CLSTN1: variants seen among roughly 807,000 people sequenced by gnomAD.
CLSTN1 encodes the protein calsyntenin 1.
Under a neutral mutation model 108.3 loss-of-function variants are expected in CLSTN1, and 28 were observed. That is an observed-to-expected ratio of 0.26 (90% CI 0.19 to 0.35). CLSTN1 has a LOEUF of 0.35. Ranked by LOEUF, CLSTN1 falls within the 10% of genes least tolerant of loss-of-function variation. The pLI is 1.00. For missense variants in CLSTN1, 1,157 were observed against 1,302.6 expected, an observed-to-expected ratio of 0.89 and a Z score of 1.72; for synonymous variants, 524 against 534.9, an observed-to-expected ratio of 0.98 and a Z score of 0.28.
chr1:9,743,727 T>G (rs1651097266), intron 9 of CLSTN1, among the ~76,000 whole-genome samples, 157 bp downstream of exon 9: 1 of 151,696 alleles, frequency 6.6e-6, no homozygotes, highest in African/African-American at 2.4e-5. Flanking sequence ...TTCGTGGGTT[T>G]TTTTTTTTTT....
At position 9,751,607 on chromosome 1, in the gene CLSTN1, G is replaced by A. The variant is rs186533239; in HGVS notation, c.515C>T (p.Thr172Met). The A allele has an allele frequency of 3.8e-5, 61 of 1,614,158 alleles. No homozygotes were observed. Among genetic ancestry groups the A allele is most frequent in the Admixed American group, 8.3e-5 (5 of 59,998 alleles). Residue 172 changes from threonine (T) to methionine (M), a missense_variant, in exon 5 of 19, where the codon ACG (threonine) becomes ATG (methionine). Physicochemically the swap from Thr to Met is moderately conservative, Grantham distance 81. Transcript: ENST00000377298. ...GTCGTACTGCTTCCCCTCGATGACC[G>A]TGGCTTTGTAGGACTTCTCCTTGAA... is the stretch of plus-strand genomic sequence containing the variant. The part of the protein sequence containing the change: ...PVFKEKSYKA[T>M]VIEGKQYDSI...
intron 4 of CLSTN1, among the ~76,000 whole-genome samples, chr1:9,752,371 A>G (rs1377064178): frequency 6.6e-6 from 1 of 152,216 alleles, no homozygotes; most frequent in Admixed American, 6.5e-5. Flanking sequence ...TGAATCAGTC[A>G]AGGACTTTGG....
intron 1 of CLSTN1, among the ~76,000 whole-genome samples, chr1:9,792,318 T>TA (rs1303020851): frequency 4.0e-5 from 6 of 151,494 alleles, no homozygotes; most frequent in African/African-American, 1.4e-4. Context: ...ACAACTCTCA[T>TA]ATGCCATGGC....
chr1:9,730,675 C>T lies in CLSTN1; in HGVS notation c.2779G>A (p.Glu927Lys), dbSNP rs1236274192. 4 of 1,609,426 alleles carry T rather than the reference C, an allele frequency of 2.5e-6. No homozygotes were observed. Among genetic ancestry groups the T allele is most frequent in the Admixed American group, 1.7e-5 (1 of 59,850 alleles). Residue 927 changes from glutamate to lysine, a missense_variant, in exon 19 of 19, where the codon GAG becomes AAG. Glu to Lys is a moderately conservative substitution (Grantham distance 56). Coordinates refer to ENST00000377298, the MANE Select transcript of CLSTN1 (RefSeq NM_001009566.3). This position sits in a 1 kb window ranked among gnomAD's most constrained non-coding sequence, Gnocchi z 5.6. ...TYEDQHSSEE[E>K]EEEEEEEESE... is the part of the protein sequence containing the mutation. ...TCCTCTTCCTCTTCCTCTTCCTCCT[C>T]CTCCTCACTGCTGTGCTGGTCCTCA... is the stretch of plus-strand genomic sequence containing the variant.
chr1:9,811,652 G>A (rs2101320903), intron 1 of CLSTN1, among the ~76,000 whole-genome samples: 2 of 151,498 alleles, frequency 1.3e-5, no homozygotes, highest in East Asian at 3.9e-4. Context: ...AGAGTGAGAG[G>A]GCCTAAGGAG....
intron 10 of CLSTN1, among the ~76,000 whole-genome samples, chr1:9,738,677 T>TA (rs1312006582): frequency 2.6e-5 from 4 of 152,336 alleles, no homozygotes; most frequent in South Asian, 2.1e-4. Flanking sequence ...TGTTTTGAGA[T>TA]AGAGTCTCAC....
At chr1:9,737,340 G>C (rs1650747357) in intron 11 of CLSTN1, among the ~76,000 whole-genome samples, 158 bp downstream of exon 11, 1 of 152,116 alleles carries the variant, frequency 6.6e-6, no homozygotes, top group Admixed American at 6.6e-5. Context: ...CAGAATAAGG[G>C]AACTCCATGA....
intron 1 of CLSTN1, among the ~76,000 whole-genome samples, chr1:9,796,688 A>G (rs914828559): frequency 2.0e-5 from 3 of 152,182 alleles, no homozygotes; most frequent in African/African-American, 7.2e-5. Context: ...CGCCTCAAAA[A>G]AAAGAAAGAA....
rs189987553 is a variant in CLSTN1, at chr1:9,787,427, G to A, written c.92-14033C>T. Among the ~76,000 whole-genome samples the A allele has an allele frequency of 3.9e-3, 527 of 133,480 alleles. 18 individuals are homozygous for A. The East Asian group carries it at 0.04, about 10-fold the overall frequency. The allele number at this position is 133,480 out of a possible 152,430, so 87.6% of individuals were successfully genotyped here. On this transcript the variant is annotated intron_variant, in intron 1 of 18. Transcript: ENST00000377298. ...ATTTTTTTTTTTTTTTTTTTGAGAC[G>A]GAGTCTCACTCTGTCGCCCAGCCTG... is the stretch of plus-strand genomic sequence containing the variant.
At chr1:9,779,471 C>T (rs527526004) in intron 1 of CLSTN1, among the ~76,000 whole-genome samples, 1 of 152,056 alleles carries the variant, frequency 6.6e-6, no homozygotes, top group African/African-American at 2.4e-5. Flanking sequence ...GCAGGAGAAT[C>T]GCTTGAACCC....
intron 1 of CLSTN1, among the ~76,000 whole-genome samples, chr1:9,783,610 C>G (rs977140497): frequency 6.6e-6 from 1 of 152,010 alleles, no homozygotes; most frequent in East Asian, 1.9e-4. Context: ...AATTCCAGCA[C>G]TTTGGGAGGC....
intron 1 of CLSTN1, among the ~76,000 whole-genome samples, chr1:9,803,499 G>A (rs1654374485): frequency 6.6e-6 from 1 of 152,160 alleles, no homozygotes; most frequent in African/African-American, 2.4e-5. Context: ...CTTTTATCGT[G>A]GTAGTTATAA....
chr1:9,817,892 G>A (rs1655036701), intron 1 of CLSTN1, among the ~76,000 whole-genome samples: 2 of 152,076 alleles, frequency 1.3e-5, no homozygotes, highest in South Asian at 2.1e-4. Flanking sequence ...GGGAAAAGAC[G>A]GGTATTGTAT....
chr1:9,785,798 T>C (rs1653460427), intron 1 of CLSTN1, among the ~76,000 whole-genome samples: 1 of 150,258 alleles, frequency 6.7e-6, no homozygotes, highest in African/African-American at 2.4e-5. Flanking sequence ...TGAATTTCTT[T>C]TTTTTTTTTT....
At chr1:9,767,677 C>T (rs1220561166) in intron 2 of CLSTN1, among the ~76,000 whole-genome samples, 1 of 152,088 alleles carries the variant, frequency 6.6e-6, no homozygotes, top group African/African-American at 2.4e-5. Context: ...TCCTCCTCAA[C>T]ATGGTGCGAA....
In CLSTN1 at chr1:9,733,688, T is replaced by C. The variant is rs938730876; in HGVS notation, c.2282-142A>G. 122 of 972,342 alleles carry C rather than the reference T, an allele frequency of 1.3e-4. No individual in the cohort carries two copies. The African/African-American group carries it at 1.8e-3, about 15-fold the overall frequency. The allele number at this position is 972,342 out of a possible 1,614,324, so 60.2% of individuals were successfully genotyped here. ...GTCACACAAGTTGGCTTTCTAGCCA[T>C]GGGAATAAATGCAATGTGCACAGGG... On this transcript the variant is annotated intron_variant, in intron 15 of 18. Transcript: ENST00000377298.
intron 4 of CLSTN1, among the ~76,000 whole-genome samples, chr1:9,754,513 C>T (rs372618556): frequency 1.3e-5 from 2 of 152,146 alleles, no homozygotes; most frequent in African/African-American, 2.4e-5. Context: ...GAGCCAAGAT[C>T]GTGCCACTAC....
chr1:9,742,084 G>A (rs550319441), intron 9 of CLSTN1, among the ~76,000 whole-genome samples: 207 of 152,274 alleles, frequency 1.4e-3, no homozygotes, highest in Non-Finnish European at 2.2e-3. Flanking sequence ...GTGTGAACAC[G>A]CATCAGCCAG....
At chr1:9,814,414 T>A (rs144682441) in intron 1 of CLSTN1, among the ~76,000 whole-genome samples, 256 of 152,078 alleles carry the variant, frequency 1.7e-3, no homozygotes, top group African/African-American at 5.7e-3. Flanking sequence ...TGCTATACTT[T>A]AAGTATGTAA....
Sources: allele counts gnomAD v4.1 joint callset (sites outside exome capture counted in the v4.1 genomes callset), GRCh38; gene constraint gnomAD v4.1.1; non-coding constraint Gnocchi (gnomAD v3.1); transcripts MANE v1.5; gene names NCBI Gene and HGNC (gene_info 2026-07-23, HGNC 2026-07-21).